The following LHFPL3 variants were observed in gnomAD, a reference collection of about 807,000 sequenced individuals.
The protein encoded by LHFPL3 is LHFPL tetraspan subfamily member 3.
A neutral mutation model predicts 19.3 loss-of-function variants in LHFPL3; 5 were observed. The observed-to-expected ratio is 0.26, with a 90% CI of 0.14 to 0.54. The LOEUF (loss-of-function observed/expected upper bound fraction) is 0.54. LHFPL3 is among the 20% of genes least tolerant of loss of function. The pLI is 0.94. For synonymous variants in LHFPL3, 133 were observed against 126.2 expected, an observed-to-expected ratio of 1.05 and a Z score of -0.36; for missense variants, 249 against 307.4, an observed-to-expected ratio of 0.81 and a Z score of 1.42.
intron 1 of LHFPL3, among the ~76,000 whole-genome samples, chr7:104,469,763 A>G (rs944331675): frequency 1.3e-5 from 2 of 152,188 alleles, no homozygotes; most frequent in African/African-American, 2.4e-5. Context: ...AAAAATGGTT[A>G]TCAGAGAAAC....
intron 1 of LHFPL3, among the ~76,000 whole-genome samples, chr7:104,531,797 G>T (rs1231009092): frequency 1.3e-5 from 2 of 152,044 alleles, no homozygotes; most frequent in Non-Finnish European, 2.9e-5. Context: ...TGTTTTGGTG[G>T]GTTATAACCT....
At chr7:104,496,371 G>A (rs1389295921) in intron 1 of LHFPL3, among the ~76,000 whole-genome samples, 1 of 152,168 alleles carries the variant, frequency 6.6e-6, no homozygotes, top group Admixed American at 6.5e-5. Context: ...GTCTATCATT[G>A]TTGGACCTTT....
intron 2 of LHFPL3, among the ~76,000 whole-genome samples, chr7:104,891,228 A>T (rs1792236262): frequency 6.6e-6 from 1 of 151,994 alleles, no homozygotes; most frequent in African/African-American, 2.4e-5. Flanking sequence ...CAGCCCCCAC[A>T]ATCACAGCAG....
intron 1 of LHFPL3, among the ~76,000 whole-genome samples, chr7:104,500,997 C>G (rs181761097): frequency 1.2e-3 from 182 of 152,266 alleles, no homozygotes; most frequent in Non-Finnish European, 1.9e-3. Flanking sequence ...ATAGAGTTAT[C>G]TCAGTATATA....
In LHFPL3 at chr7:104,537,834, A is replaced by G. The variant is rs147471263; in HGVS notation, c.446-198841A>G. The stretch of plus-strand genomic sequence containing the variant: ...CAAATGGATGAGGGAAGTTGAAGAG[A>G]TTGTCTAAAATAACTTATATACAGT... On this transcript the variant is annotated intron_variant, in intron 1 of 2. Transcript: ENST00000424859. Among the ~76,000 whole-genome samples the G allele has an allele frequency of 3.4e-3, 523 of 152,290 alleles. 4 individuals carry two copies. The highest frequency in any genetic ancestry group is 0.012 in the African/African-American group (499 of 41,562).
chr7:104,872,752 C>CTA (rs1791860769), intron 2 of LHFPL3, among the ~76,000 whole-genome samples: 1 of 152,208 alleles, frequency 6.6e-6, no homozygotes, highest in Non-Finnish European at 1.5e-5. Flanking sequence ...ACACACGGAG[C>CTA]TGTCATCTTC....
rs959832679 is a variant in LHFPL3, at chr7:104,412,095, T to C, written c.445+82871T>C. Among the ~76,000 whole-genome samples the C allele has an allele frequency of 2.6e-5, 4 of 151,662 alleles. No individual in the cohort carries two copies. In the East Asian group the frequency reaches 7.7e-4, roughly 29 times the overall value. On this transcript the variant is annotated intron_variant, in intron 1 of 2. Transcript: ENST00000424859. ...CCTTCCCTTATATACCAGCAAGTCA[T>C]TAATGTGGGATTCAATAAGATCTTC...
chr7:104,689,464 T>A (rs1298210932), intron 1 of LHFPL3, among the ~76,000 whole-genome samples: 1 of 152,164 alleles, frequency 6.6e-6, no homozygotes, highest in Admixed American at 6.5e-5. Context: ...AAAAGACTAA[T>A]TTGAATTATA....
At chr7:104,421,555 G>A (rs973051467) in intron 1 of LHFPL3, among the ~76,000 whole-genome samples, 4 of 152,148 alleles carry the variant, frequency 2.6e-5, no homozygotes, top group African/African-American at 9.7e-5. Flanking sequence ...TTGAACTGGA[G>A]GAAATGAAAT....
chr7:104,572,290 C>T (rs898556145), intron 1 of LHFPL3, among the ~76,000 whole-genome samples: 1 of 152,144 alleles, frequency 6.6e-6, no homozygotes, highest in Non-Finnish European at 1.5e-5. Context: ...CTCAAAAGAA[C>T]ATACAACTAT....
At chr7:104,769,743 A>G (rs34550061) in intron 2 of LHFPL3, among the ~76,000 whole-genome samples, 38,956 of 151,826 alleles carry the variant, frequency 0.26, 6,542 homozygotes, top group East Asian at 0.8. Context: ...GTTTGTTGAG[A>G]ATGATGGTTT....
chr7:104,410,099 T>C (rs10228106), intron 1 of LHFPL3, among the ~76,000 whole-genome samples: 56,908 of 151,848 alleles, frequency 0.37, 11,193 homozygotes, highest in Admixed American at 0.51. Context: ...CTGAACAAAT[T>C]ATTAACTCAT....
chr7:104,779,320 C>T (rs1209515161), intron 2 of LHFPL3, among the ~76,000 whole-genome samples: 1 of 152,204 alleles, frequency 6.6e-6, no homozygotes, highest in Non-Finnish European at 1.5e-5. Context: ...ATTCATTTGT[C>T]TGTCTCTTTC....
intron 1 of LHFPL3, among the ~76,000 whole-genome samples, chr7:104,341,599 A>G (rs1449724541): frequency 6.6e-6 from 1 of 152,198 alleles, no homozygotes; most frequent in Non-Finnish European, 1.5e-5. Context: ...GCCATCCTGA[A>G]GGCCATGGTG....
chr7:104,335,297 A>G (rs887748899), intron 1 of LHFPL3, among the ~76,000 whole-genome samples: 1 of 152,204 alleles, frequency 6.6e-6, no homozygotes, highest in African/African-American at 2.4e-5. Flanking sequence ...AGCATTTCAA[A>G]TCTTCTCCCA....
At chr7:104,604,909 A>T (rs1199815845) in intron 1 of LHFPL3, among the ~76,000 whole-genome samples, 1 of 152,034 alleles carries the variant, frequency 6.6e-6, no homozygotes, top group Admixed American at 6.6e-5. Context: ...GTCTCCAGGG[A>T]GCCCGGGAAT....
intron 1 of LHFPL3, among the ~76,000 whole-genome samples, chr7:104,655,222 G>A (rs927013460): frequency 3.3e-5 from 5 of 151,898 alleles, no homozygotes; most frequent in Admixed American, 1.3e-4. Context: ...CTGTCTCTTC[G>A]GTTGTCTGTT....
At chr7:104,600,088 A>G (rs147246497) in intron 1 of LHFPL3, among the ~76,000 whole-genome samples, 42 of 152,154 alleles carry the variant, frequency 2.8e-4, no homozygotes, top group African/African-American at 9.4e-4. Flanking sequence ...AACTCACCCA[A>G]TCCTCTTCAT....
intron 1 of LHFPL3, among the ~76,000 whole-genome samples, chr7:104,612,446 C>G (rs1203565460): frequency 1.3e-5 from 2 of 152,168 alleles, no homozygotes; most frequent in East Asian, 1.9e-4. Context: ...CAAAACAAAA[C>G]AAAACAGTGC....
Sources: gnomAD v4.1 joint callset for allele counts (sites outside exome capture counted in the v4.1 genomes callset) on GRCh38, gnomAD v4.1.1 for gene constraint, MANE v1.5 for transcripts, NCBI Gene and HGNC (gene_info 2026-07-23, HGNC 2026-07-21) for gene names.